The following TMEM170B variants were observed in gnomAD, a reference collection of about 807,000 sequenced individuals.
The protein encoded by TMEM170B is transmembrane protein 170B.
Under a neutral mutation model 13.0 loss-of-function variants are expected in TMEM170B, and 6 were observed. The ratio of observed to expected loss-of-function variants is 0.46; its 90% CI spans 0.25 to 0.91. The LOEUF (loss-of-function observed/expected upper bound fraction) is 0.91, where lower values mean the gene tolerates loss of function less well. Ranked by LOEUF, TMEM170B falls within the 40% of genes least tolerant of loss-of-function variation. The pLI, the probability that TMEM170B is intolerant of heterozygous loss-of-function variation, is 0.17. For synonymous variants in TMEM170B, 61 were observed against 64.9 expected (o/e 0.94, Z 0.29); for missense variants, 138 against 165.2 (o/e 0.84, Z 0.90).
intron 1 of TMEM170B, among the ~76,000 whole-genome samples, chr6:11,552,082 A>C (rs1051794725): frequency 1.3e-5 from 2 of 152,170 alleles, no homozygotes; most frequent in Non-Finnish European, 2.9e-5. Context: ...TGGAATTAGG[A>C]TCTTAGAACA....
intron 2 of TMEM170B, among the ~76,000 whole-genome samples, chr6:11,572,268 ATGT>A (rs1190834415): frequency 2.6e-5 from 4 of 152,202 alleles, no homozygotes; most frequent in South Asian, 2.1e-4. Flanking sequence ...AAACAAAGAC[ATGT>A]TGTTGGCCAT....
At chr6:11,568,236 G>A (rs1217139773) in intron 2 of TMEM170B, among the ~76,000 whole-genome samples, 1 of 152,142 alleles carries the variant, frequency 6.6e-6, no homozygotes, top group African/African-American at 2.4e-5. Flanking sequence ...GCCGTAGGTT[G>A]GGAAGGAAGG....
chr6:11,559,336 C>T (rs1759630619), intron 1 of TMEM170B, among the ~76,000 whole-genome samples: 1 of 151,738 alleles, frequency 6.6e-6, no homozygotes, highest in African/African-American at 2.4e-5. Flanking sequence ...AGTGAGGGAC[C>T]ACAGGAATGC....
rs1342955136 is a variant in TMEM170B, at chr6:11,578,025, C to T, written c.*2464C>T. ...CAAGAAATGTTTAATGATATATATA[C>T]ACACACGTATATATCATTATATAGG... On this transcript the variant is annotated 3_prime_UTR_variant, in exon 3 of 3. Coordinates refer to ENST00000379426, the MANE Select transcript of TMEM170B (RefSeq NM_001100829.3). 2.0e-5 allele frequency: 3 copies of T among 151,974 alleles called. No homozygotes were observed. The highest frequency in any genetic ancestry group is 4.4e-5 in the Non-Finnish European group (3 of 67,954). 9.4% of individuals were successfully genotyped at this position (151,974 alleles called of 1,614,324 possible).
At chr6:11,574,009 C>T (rs960547144) in intron 2 of TMEM170B, among the ~76,000 whole-genome samples, 3 of 152,092 alleles carry the variant, frequency 2.0e-5, no homozygotes, top group Non-Finnish European at 4.4e-5. Context: ...TCTCTGAATT[C>T]TTCGTTCTCA....
chr6:11,563,355 G>T (rs2036987919), intron 1 of TMEM170B, among the ~76,000 whole-genome samples: 1 of 152,078 alleles, frequency 6.6e-6, no homozygotes, highest in South Asian at 2.1e-4. Context: ...CCCTCACACA[G>T]ATCACTTCTG....
intron 1 of TMEM170B, among the ~76,000 whole-genome samples, chr6:11,554,439 AATTG>A (rs1759563043): frequency 6.6e-6 from 1 of 151,966 alleles, no homozygotes; most frequent in Non-Finnish European, 1.5e-5. Flanking sequence ...CTGGAATTAT[AATTG>A]ATTAATTACT....
intron 1 of TMEM170B, among the ~76,000 whole-genome samples, chr6:11,557,530 A>T (rs901564223): frequency 1.3e-5 from 2 of 152,236 alleles, no homozygotes; most frequent in African/African-American, 2.4e-5. Context: ...AAAATAATTT[A>T]AAAAAAGAAA....
chr6:11,549,539 T>TA (rs1759495321), intron 1 of TMEM170B, among the ~76,000 whole-genome samples: 1 of 151,836 alleles, frequency 6.6e-6, no homozygotes, highest in Non-Finnish European at 1.5e-5. Flanking sequence ...GGCGGGCACC[T>TA]ATAGTCCCAG....
At chr6:11,541,848 G>A (rs914384557) in intron 1 of TMEM170B, among the ~76,000 whole-genome samples, 2 of 152,048 alleles carry the variant, frequency 1.3e-5, no homozygotes, top group African/African-American at 4.8e-5. Context: ...TTTCAATATT[G>A]TTGTATCTCA....
At chr6:11,573,701 C>G (rs1040857635) in intron 2 of TMEM170B, among the ~76,000 whole-genome samples, 1 of 152,076 alleles carries the variant, frequency 6.6e-6, no homozygotes, top group African/African-American at 2.4e-5. Flanking sequence ...TCGATTTTCC[C>G]CTTGCTGTGG....
Position 11,575,352 on chromosome 6 carries a change from A to C in TMEM170B, c.269-79A>C, listed in dbSNP as rs949786706. 2.4e-5 allele frequency: 36 copies of C among 1,505,620 alleles called. No homozygotes were observed. The highest frequency in any genetic ancestry group is 3.2e-5 in the Non-Finnish European group (36 of 1,107,814). The allele number at this position is 1,505,620 out of a possible 1,614,324, so 93.3% of individuals were successfully genotyped here. A position where few individuals can be genotyped will look rare whatever the true frequency, so the allele number is the denominator to read the frequency against. ...TGACTTATGTTTTGATGAAATGAAAAGAGCTCTTAAGGTGCAGCATGCAGT... is the reference window on the plus strand; with the variant it reads ...TGACTTATGTTTTGATGAAATGAAACGAGCTCTTAAGGTGCAGCATGCAGT... On this transcript the variant is annotated intron_variant, in intron 2 of 2. Coordinates refer to ENST00000379426, the MANE Select transcript of TMEM170B (RefSeq NM_001100829.3). This position sits in a 1 kb window ranked among gnomAD's most constrained non-coding sequence, Gnocchi z 4.1.
At chr6:11,556,470 T>TC (rs1172427867) in intron 1 of TMEM170B, among the ~76,000 whole-genome samples, 1 of 152,046 alleles carries the variant, frequency 6.6e-6, no homozygotes, top group Admixed American at 6.6e-5. Context: ...CACACTAGCC[T>TC]CCCCCCAGTG....
At chr6:11,556,595 C>T (rs145563145) in intron 1 of TMEM170B, among the ~76,000 whole-genome samples, 2 of 152,100 alleles carry the variant, frequency 1.3e-5, no homozygotes, top group Admixed American at 1.3e-4. Context: ...TGTCAGCATT[C>T]CTGCCTTTCT....
chr6:11,571,188 T>C (rs1759796449), intron 2 of TMEM170B, among the ~76,000 whole-genome samples: 1 of 150,878 alleles, frequency 6.6e-6, no homozygotes, highest in African/African-American at 2.5e-5. Flanking sequence ...TTTTTTTTTT[T>C]TCTTTTTCCA....
At chr6:11,548,816 C>T (rs891529185) in intron 1 of TMEM170B, among the ~76,000 whole-genome samples, 10 of 151,736 alleles carry the variant, frequency 6.6e-5, no homozygotes, top group East Asian at 5.8e-4. Context: ...AGCAAACTGT[C>T]GCAAGGACAG....
intron 1 of TMEM170B, among the ~76,000 whole-genome samples, chr6:11,555,712 A>G (rs1759578632): frequency 6.6e-6 from 1 of 152,192 alleles, no homozygotes; most frequent in African/African-American, 2.4e-5. Flanking sequence ...CATATTAACA[A>G]TAATTATTAT....
intron 2 of TMEM170B, among the ~76,000 whole-genome samples, chr6:11,568,807 A>G (rs945450919): frequency 2.6e-5 from 4 of 152,176 alleles, no homozygotes; most frequent in Non-Finnish European, 5.9e-5. Flanking sequence ...CAGTTCAGTT[A>G]TTGATTGCTA....
At chr6:11,561,690 C>T (rs1345374212) in intron 1 of TMEM170B, among the ~76,000 whole-genome samples, 1 of 151,928 alleles carries the variant, frequency 6.6e-6, no homozygotes, top group Non-Finnish European at 1.5e-5. Flanking sequence ...TCATTTTTTC[C>T]ATCATAAAGA....
Sources: allele counts gnomAD v4.1 joint callset (sites outside exome capture counted in the v4.1 genomes callset), GRCh38; gene constraint gnomAD v4.1.1; non-coding constraint Gnocchi (gnomAD v3.1); transcripts MANE v1.5; gene names NCBI Gene and HGNC (gene_info 2026-07-23, HGNC 2026-07-21).